Variants in RCAN2 observed in about 807,000 individuals in gnomAD.
RCAN2 encodes the protein calcipressin-2.
Under a neutral mutation model 23.6 loss-of-function variants are expected in RCAN2, and 9 were observed. The ratio of observed to expected loss-of-function variants is 0.38; its 90% confidence interval spans 0.23 to 0.67. The LOEUF (loss-of-function observed/expected upper bound fraction) is 0.67, where lower values mean the gene tolerates loss of function less well. Among genes scored for constraint, RCAN2 ranks in the 30% least tolerant of loss-of-function variants. The pLI is 0.51. For missense variants in RCAN2, 273 were observed against 302.3 expected (o/e 0.90, Z 0.72); for synonymous variants, 109 against 115.7 (o/e 0.94, Z 0.37).
At chr6:46,424,580 T>C (rs1228815936) in intron 2 of RCAN2, among the ~76,000 whole-genome samples, 2 of 152,066 alleles carry the variant, frequency 1.3e-5, no homozygotes, top group Admixed American at 6.6e-5. Context: ...CCAAATGAGT[T>C]GACCCCTCTA....
At chr6:46,237,050 T>C (rs974679502) in intron 4 of RCAN2, among the ~76,000 whole-genome samples, 1 of 152,084 alleles carries the variant, frequency 6.6e-6, no homozygotes, top group Non-Finnish European at 1.5e-5. Flanking sequence ...AAGAATGTGT[T>C]CATAGCCCCT....
intron 2 of RCAN2, among the ~76,000 whole-genome samples, chr6:46,355,215 G>T (rs1014723627): frequency 2.0e-5 from 3 of 152,086 alleles, no homozygotes; most frequent in Non-Finnish European, 4.4e-5. Context: ...ATAATGAAAA[G>T]GGCTAGAAAA....
At chr6:46,329,929 C>A (rs898545872) in intron 2 of RCAN2, among the ~76,000 whole-genome samples, 2 of 152,212 alleles carry the variant, frequency 1.3e-5, no homozygotes, top group Non-Finnish European at 2.9e-5. Context: ...TGCACACCTT[C>A]CAATCCCAGA....
At chr6:46,271,062 A>C (rs1767508168) in intron 2 of RCAN2, among the ~76,000 whole-genome samples, 1 of 152,184 alleles carries the variant, frequency 6.6e-6, no homozygotes, top group African/African-American at 2.4e-5. Flanking sequence ...TAATCCACTG[A>C]GTTTTGGGGC....
chr6:46,239,088 A>T (rs745375040), intron 4 of RCAN2, among the ~76,000 whole-genome samples: 10 of 152,248 alleles, frequency 6.6e-5, no homozygotes, highest in Non-Finnish European at 1.2e-4. Context: ...GCCTAGATTC[A>T]AACTCACATC....
At chr6:46,314,753 G>T (rs1191053806) in intron 2 of RCAN2, among the ~76,000 whole-genome samples, 1 of 152,040 alleles carries the variant, frequency 6.6e-6, no homozygotes, top group Non-Finnish European at 1.5e-5. Context: ...TTCCTTCATG[G>T]GCATCTTGCC....
At chr6:46,271,567 C>T (rs183207359) in intron 2 of RCAN2, among the ~76,000 whole-genome samples, 2 of 152,310 alleles carry the variant, frequency 1.3e-5, no homozygotes. Flanking sequence ...AACAAATCCA[C>T]TGGTGAACTA....
chr6:46,404,371 G>A (rs1168853662), intron 2 of RCAN2, among the ~76,000 whole-genome samples: 1 of 152,202 alleles, frequency 6.6e-6, no homozygotes, highest in Non-Finnish European at 1.5e-5. Context: ...TACAGGTAAA[G>A]TAAGTACCTA....
chr6:46,415,724 G>C (rs1766694086), intron 2 of RCAN2, among the ~76,000 whole-genome samples: 1 of 152,146 alleles, frequency 6.6e-6, no homozygotes, highest in Non-Finnish European at 1.5e-5. Context: ...AAATAAACTA[G>C]GGTGATGCCC....
At chr6:46,453,785 G>T (rs1767947156) in intron 2 of RCAN2, among the ~76,000 whole-genome samples, 1 of 152,012 alleles carries the variant, frequency 6.6e-6, no homozygotes, top group Non-Finnish European at 1.5e-5. Context: ...GAAGTTAAAT[G>T]TATACTTTAT....
chr6:46,240,101 C>G (rs1379165745), intron 4 of RCAN2, among the ~76,000 whole-genome samples: 1 of 152,154 alleles, frequency 6.6e-6, no homozygotes, highest in African/African-American at 2.4e-5. Flanking sequence ...GGAGAGCCCT[C>G]TGTGAGCTGG....
intron 2 of RCAN2, among the ~76,000 whole-genome samples, chr6:46,306,089 G>C (rs2041353484): frequency 6.6e-6 from 1 of 152,016 alleles, no homozygotes; most frequent in African/African-American, 2.4e-5. Flanking sequence ...ACAGCAGGGT[G>C]GTTTTTTACA....
intron 2 of RCAN2, among the ~76,000 whole-genome samples, chr6:46,317,200 A>T (rs754496606): frequency 2.6e-5 from 4 of 152,210 alleles, no homozygotes; most frequent in African/African-American, 4.8e-5. Flanking sequence ...TTTTTCCCAA[A>T]CTAGATGGCA....
chr6:46,456,646 A>C, intron 2 of RCAN2, 106 bp downstream of exon 2: 2 of 814,370 alleles, frequency 2.5e-6, no homozygotes, highest in Non-Finnish European at 2.0e-6. Flanking sequence ...AGAGCCAACT[A>C]AACATTTCCA....
At chr6:46,285,689 C>A (rs1762353773) in intron 2 of RCAN2, among the ~76,000 whole-genome samples, 2 of 152,126 alleles carry the variant, frequency 1.3e-5, no homozygotes, top group South Asian at 4.1e-4. Context: ...TTTTATTTTT[C>A]TACCAGATCT....
intron 1 of RCAN2, among the ~76,000 whole-genome samples, chr6:46,490,035 G>C (rs1769097419): frequency 6.6e-6 from 1 of 152,196 alleles, no homozygotes; most frequent in Admixed American, 6.5e-5. Context: ...AGAATGCAGA[G>C]GCCGGTTAGC....
chr6:46,469,457 T>C lies in RCAN2; in HGVS notation c.-2-12479A>G, dbSNP rs546203795. On this transcript the variant is annotated intron_variant, in intron 1 of 4. Coordinates refer to ENST00000371374, the MANE Select transcript of RCAN2 (RefSeq NM_001251974.2). ...GGCTCGTGGAGGATGGAACCAGTCT[T>C]GGTAGCAAAGGGTAGTAAGATTTCT... 2.3e-3 allele frequency among the ~76,000 whole-genome samples: 349 copies of C among 152,232 alleles called. 2 individuals carry two copies. The highest frequency in any genetic ancestry group is 9.8e-3 in the Admixed American group (149 of 15,282).
At chr6:46,355,064 G>A (rs1229764726) in intron 2 of RCAN2, among the ~76,000 whole-genome samples, 1 of 152,040 alleles carries the variant, frequency 6.6e-6, no homozygotes, top group East Asian at 1.9e-4. Context: ...AACAAGCTAT[G>A]GCATAAAGCC....
At chr6:46,405,104 T>C (rs1369070693) in intron 2 of RCAN2, among the ~76,000 whole-genome samples, 1 of 152,188 alleles carries the variant, frequency 6.6e-6, no homozygotes, top group Non-Finnish European at 1.5e-5. Flanking sequence ...CCGCGGACCC[T>C]CGCGGTGAGT....
Sources: gnomAD v4.1 joint callset for allele counts (sites outside exome capture counted in the v4.1 genomes callset) on GRCh38, gnomAD v4.1.1 for gene constraint, MANE v1.5 for transcripts, NCBI Gene and HGNC (gene_info 2026-07-23, HGNC 2026-07-21) for gene names.